ITK: variants seen among roughly 807,000 people sequenced by gnomAD.
ITK encodes IL2 inducible T cell kinase, also known as tyrosine-protein kinase ITK/TSK.
Under a neutral mutation model 87.6 loss-of-function variants are expected in ITK, and 45 were observed. The observed-to-expected ratio is 0.51, with a 90% CI of 0.40 to 0.66. ITK has a LOEUF of 0.66. ITK is among the 30% of genes least tolerant of loss of function. The probability of loss-of-function intolerance (pLI) is 0.00; values close to 1 mark genes in which losing one functional copy is unlikely to be tolerated. For synonymous variants in ITK, 303 were observed against 273.6 expected, an observed-to-expected ratio of 1.11 and a Z score of -1.06; for missense variants, 605 against 766.3, an observed-to-expected ratio of 0.79 and a Z score of 2.48.
chr5:157,212,043 C>T (rs1039373088), intron 3 of ITK, among the ~76,000 whole-genome samples: 1 of 152,206 alleles, frequency 6.6e-6, no homozygotes, highest in Non-Finnish European at 1.5e-5. Flanking sequence ...AGTGTTTAAG[C>T]ACATGGGATG....
At chr5:157,199,040 T>C (rs146430481) in intron 1 of ITK, among the ~76,000 whole-genome samples, 46 of 152,332 alleles carry the variant, frequency 3.0e-4, no homozygotes, top group African/African-American at 1.0e-3. Context: ...GTTGGGATTA[T>C]AGGCATGAGC....
chr5:157,186,792 A>G (rs1005275642), intron 1 of ITK, among the ~76,000 whole-genome samples: 1 of 152,102 alleles, frequency 6.6e-6, no homozygotes, highest in Non-Finnish European at 1.5e-5. Flanking sequence ...GACTGTCAGC[A>G]TATCTATCAC....
chr5:157,206,568 G>C (rs533473191), intron 1 of ITK, among the ~76,000 whole-genome samples: 22 of 152,252 alleles, frequency 1.4e-4, no homozygotes, highest in African/African-American at 4.8e-4. Flanking sequence ...TTGGGAGTTT[G>C]TTATGGATTT....
At chr5:157,223,171 T>G (rs1754460967) in intron 6 of ITK, among the ~76,000 whole-genome samples, 157 bp downstream of exon 6, 1 of 152,102 alleles carries the variant, frequency 6.6e-6, no homozygotes, top group Non-Finnish European at 1.5e-5. Flanking sequence ...AGGAAGTAGT[T>G]GAGGCTCATT....
chr5:157,199,439 G>C (rs1753919134), intron 1 of ITK: 1 of 152,208 alleles, frequency 6.6e-6, no homozygotes, highest in Non-Finnish European at 1.5e-5. Flanking sequence ...GAACCAGGGA[G>C]TGTGTTCCAC....
At chr5:157,248,795 GT>G (rs1755072706) in intron 15 of ITK, 54 bp from the exon 16 acceptor site, 1 of 1,608,406 alleles carries the variant, frequency 6.2e-7, no homozygotes, top group Non-Finnish European at 8.5e-7. Context: ...AGGTTGGTTT[GT>G]TTGCTGTCTG....
intron 1 of ITK, among the ~76,000 whole-genome samples, chr5:157,194,167 C>T (rs1248725802): frequency 2.0e-5 from 3 of 152,264 alleles, no homozygotes; most frequent in Admixed American, 6.5e-5. Context: ...AGTAGAATTA[C>T]ATTTTGCAAG....
At chr5:157,206,086 T>C (rs890614735) in intron 1 of ITK, among the ~76,000 whole-genome samples, 16 of 150,250 alleles carry the variant, frequency 1.1e-4, no homozygotes, top group Middle Eastern at 6.9e-3. Flanking sequence ...CCCGAGAAGC[T>C]GGGACTACAG....
chr5:157,182,014 G>GA (rs1753542179), intron 1 of ITK, among the ~76,000 whole-genome samples: 1 of 152,154 alleles, frequency 6.6e-6, no homozygotes, highest in Non-Finnish European at 1.5e-5. Context: ...TTCATAAAAT[G>GA]AAAAAACTGG....
chr5:157,199,292 G>C (rs1438956891), intron 1 of ITK: 3 of 151,490 alleles, frequency 2.0e-5, no homozygotes, highest in East Asian at 3.9e-4. Flanking sequence ...GCTGAAAACT[G>C]CTATTTTTTT....
At position 157,182,147 on chromosome 5, in the gene ITK, A is replaced by C. The variant is rs116681096; in HGVS notation, c.138+1032A>C. Among the ~76,000 whole-genome samples, 1,286 of 152,288 alleles carry C rather than the reference A, an allele frequency of 8.4e-3. 14 individuals are homozygous for C. Among genetic ancestry groups the C allele is most frequent in the African/African-American group, 0.029 (1,218 of 41,566 alleles). On this transcript the variant is annotated intron_variant, in intron 1 of 16. Coordinates refer to ENST00000422843, the MANE Select transcript of ITK (RefSeq NM_005546.4). ...TGATTTCTTACTGTATGGTTATATT[A>C]TTTTTACATCATTAGTGGGGTAGGA...
rs531058830 is a variant in ITK, at chr5:157,202,505, G to A, written c.139-6384G>A. ...TGGGATTACAGATGTGAGCCACCAC[G>A]CCTGGCCTCACATTTTCTTTATTCA... On this transcript the variant is annotated intron_variant, in intron 1 of 16. Transcript: ENST00000422843. 3.9e-3 allele frequency among the ~76,000 whole-genome samples: 600 copies of A among 152,236 alleles called. 5 individuals are homozygous for A. The highest frequency in any genetic ancestry group is 0.014 in the African/African-American group (562 of 41,534).
intron 8 of ITK, among the ~76,000 whole-genome samples, chr5:157,234,970 T>G (rs1754748254): frequency 6.6e-6 from 1 of 152,182 alleles, no homozygotes; most frequent in South Asian, 2.1e-4. Context: ...TCATTACACC[T>G]TTTTATGAAC....
intron 6 of ITK, among the ~76,000 whole-genome samples, chr5:157,225,094 A>C (rs1428267352): frequency 6.6e-6 from 1 of 152,122 alleles, no homozygotes; most frequent in Admixed American, 6.6e-5. Context: ...TCTCAGGCTC[A>C]AGTGATCCTC....
chr5:157,195,672 T>C (rs1753838272), intron 1 of ITK: 1 of 152,234 alleles, frequency 6.6e-6, no homozygotes. Context: ...ATACTTGTAA[T>C]ACTAATAAAC....
At chr5:157,188,207 G>A (rs1436639939) in intron 1 of ITK, among the ~76,000 whole-genome samples, 1 of 152,050 alleles carries the variant, frequency 6.6e-6, no homozygotes, top group Non-Finnish European at 1.5e-5. Context: ...CTTCCAGCTG[G>A]GCTTCTGCTG....
chr5:157,211,110 T>A (rs562350681), intron 2 of ITK, among the ~76,000 whole-genome samples, 177 bp from the exon 3 acceptor site: 1 of 152,288 alleles, frequency 6.6e-6, no homozygotes, highest in East Asian at 1.9e-4. Context: ...CTGCTTACCC[T>A]GTGTTTTTGT....
chr5:157,203,667 A>G (rs1754020561), intron 1 of ITK, among the ~76,000 whole-genome samples: 1 of 152,256 alleles, frequency 6.6e-6, no homozygotes, highest in African/African-American at 2.4e-5. Context: ...CTATTTGTGA[A>G]AAAACAGGTT....
At chr5:157,237,212 CT>C (rs1358742958) in intron 8 of ITK, among the ~76,000 whole-genome samples, 1 of 152,170 alleles carries the variant, frequency 6.6e-6, no homozygotes, top group African/African-American at 2.4e-5. Context: ...AACATGCGCC[CT>C]GAAAAAGAAC....
Sources: allele counts gnomAD v4.1 joint callset (sites outside exome capture counted in the v4.1 genomes callset), GRCh38; gene constraint gnomAD v4.1.1; transcripts MANE v1.5; gene names NCBI Gene and HGNC (gene_info 2026-07-23, HGNC 2026-07-21).